The following TMEM132B variants were observed in gnomAD, a reference collection of about 807,000 sequenced individuals.
TMEM132B encodes transmembrane protein 132B.
In TMEM132B, 18 loss-of-function variants were observed where a neutral mutation model predicts 90.8. That is an observed-to-expected ratio of 0.20 (90% CI 0.14 to 0.29). The LOEUF (loss-of-function observed/expected upper bound fraction) is 0.29. TMEM132B is among the 10% of genes least tolerant of loss of function. The probability of loss-of-function intolerance (pLI) is 1.00; values close to 1 mark genes in which losing one functional copy is unlikely to be tolerated. For missense variants in TMEM132B, 1,096 were observed against 1,326.8 expected, an observed-to-expected ratio of 0.83 and a Z score of 2.70; for synonymous variants, 504 against 523.3, an observed-to-expected ratio of 0.96 and a Z score of 0.50.
intron 3 of TMEM132B, among the ~76,000 whole-genome samples, chr12:125,422,859 C>T (rs1234541196): frequency 1.3e-5 from 2 of 152,210 alleles, no homozygotes; most frequent in Non-Finnish European, 2.9e-5. Flanking sequence ...GACTTTGGAT[C>T]TCTGGCTGCC....
chr12:125,367,920 C>A (rs1878180904), intron 2 of TMEM132B, among the ~76,000 whole-genome samples: 1 of 151,580 alleles, frequency 6.6e-6, no homozygotes, highest in African/African-American at 2.4e-5. Flanking sequence ...TTTCTTTATT[C>A]CTTCTTTCTT....
chr12:125,608,855 T>A (rs1235857226), intron 5 of TMEM132B, among the ~76,000 whole-genome samples: 1 of 125,472 alleles, frequency 8.0e-6, no homozygotes, highest in African/African-American at 3.1e-5. Flanking sequence ...GTGGCACCTT[T>A]GAAAAAAAAA....
rs1237930528 is a variant in TMEM132B at position 125,287,904 on chromosome 12, G to T, written c.68-61548G>T. On this transcript the variant is annotated intron_variant, in intron 1 of 8. Transcript: ENST00000682704. ...TTTTTTTGAGACAGTGTCTCACTCT[G>T]TCGCCCAGGCTGGAGTGCAATGGCG... 3.3e-5 allele frequency among the ~76,000 whole-genome samples: 5 copies of T among 152,106 alleles called. No homozygotes were observed. The East Asian group carries it at 9.7e-4, about 30-fold the overall frequency.
rs564370048 is a variant in TMEM132B at position 125,189,239 on chromosome 12, G to T, written c.67+2373G>T. Among the ~76,000 whole-genome samples, 7 of 152,336 alleles carry T rather than the reference G, an allele frequency of 4.6e-5. No homozygotes were observed. In the East Asian group the frequency reaches 1.3e-3, roughly 29 times the overall value. ...CACAAATCCCCCAGCTTAGCGACTA[G>T]GGGGCCCCTATTATTCGAGCCACTT... On this transcript the variant is annotated intron_variant, in intron 1 of 8. Transcript: ENST00000682704.
At chr12:125,239,156 A>T (rs1401827853) in intron 1 of TMEM132B, among the ~76,000 whole-genome samples, 1 of 151,986 alleles carries the variant, frequency 6.6e-6, no homozygotes, top group Non-Finnish European at 1.5e-5. Context: ...GGGGAAAGAG[A>T]GAGAGAAAGA....
At chr12:125,328,065 T>C (rs1212606537) in intron 1 of TMEM132B, among the ~76,000 whole-genome samples, 3 of 152,242 alleles carry the variant, frequency 2.0e-5, no homozygotes, top group Non-Finnish European at 4.4e-5. Context: ...GCCATCGCAT[T>C]CATTTCCCTG....
intron 1 of TMEM132B, among the ~76,000 whole-genome samples, chr12:125,306,235 TA>T (rs1367057926): frequency 3.9e-5 from 6 of 152,146 alleles, no homozygotes; most frequent in Non-Finnish European, 1.5e-5. Context: ...ATGTGGGAAA[TA>T]AATCTAAATT....
intron 4 of TMEM132B, among the ~76,000 whole-genome samples, chr12:125,554,883 T>C (rs1884331891): frequency 6.6e-6 from 1 of 152,244 alleles, no homozygotes; most frequent in African/African-American, 2.4e-5. Flanking sequence ...CACTTTCCTC[T>C]TTGTTGGCGA....
chr12:125,565,999 G>T (rs1384655298), intron 4 of TMEM132B, among the ~76,000 whole-genome samples: 1 of 152,162 alleles, frequency 6.6e-6, no homozygotes, highest in Non-Finnish European at 1.5e-5. Flanking sequence ...CCATGTTGTT[G>T]GCTCTTCTAG....
chr12:125,495,004 T>C, intron 3 of TMEM132B, among the ~76,000 whole-genome samples: 1 of 91,594 alleles, frequency 1.1e-5, no homozygotes, highest in Non-Finnish European at 2.1e-5. Flanking sequence ...GTGTCCCTCC[T>C]CCCTCTCCTC....
Position 125,187,221 on chromosome 12 carries a change from C to T in TMEM132B, c.67+355C>T, listed in dbSNP as rs75182561. The stretch of plus-strand genomic sequence containing the variant: ...AATCCCCCCCAGGTCCCAGTTCCTC[C>T]AGGGGTTTTGCTGGGCGGGGGCGTC... On this transcript the variant is annotated intron_variant, in intron 1 of 8. Coordinates refer to ENST00000682704, the MANE Select transcript of TMEM132B (RefSeq NM_001366854.1). 4.1e-3 allele frequency among the ~76,000 whole-genome samples: 618 copies of T among 152,324 alleles called. 7 individuals carry two copies. Among genetic ancestry groups the T allele is most frequent in the African/African-American group, 0.014 (594 of 41,590 alleles).
chr12:125,644,667 C>T (rs1027586306), intron 6 of TMEM132B, among the ~76,000 whole-genome samples: 4 of 152,050 alleles, frequency 2.6e-5, no homozygotes, highest in African/African-American at 9.7e-5. Flanking sequence ...AAATGTCAGC[C>T]TTCCTCCATG....
chr12:125,506,791 A>G (rs7132007), intron 3 of TMEM132B, among the ~76,000 whole-genome samples: 73,457 of 152,148 alleles, frequency 0.48, 18,177 homozygotes, highest in Middle Eastern at 0.64. Context: ...AAGCTAAGGT[A>G]TAACTGTTTG....
chr12:125,387,199 A>G (rs2136295630), intron 2 of TMEM132B, among the ~76,000 whole-genome samples: 1 of 152,200 alleles, frequency 6.6e-6, no homozygotes, highest in African/African-American at 2.4e-5. Flanking sequence ...GATCCATTGC[A>G]TAGGAAGTCT....
chr12:125,257,701 G>A (rs1255330647), intron 1 of TMEM132B, among the ~76,000 whole-genome samples: 1 of 152,144 alleles, frequency 6.6e-6, no homozygotes, highest in Non-Finnish European at 1.5e-5. Context: ...ATTTTTCTGG[G>A]TGGGCCCTAA....
In TMEM132B at chr12:125,186,413, G is replaced by A. The variant is rs1299818643; in HGVS notation, c.-387G>A. 6.9e-6 allele frequency among the ~76,000 whole-genome samples: 1 copy of A among 145,412 alleles called. No homozygotes were observed. The highest frequency in any genetic ancestry group is 2.4e-5 in the African/African-American group (1 of 40,882). On this transcript the variant is annotated 5_prime_UTR_variant, in exon 1 of 9. Coordinates refer to ENST00000682704, the MANE Select transcript of TMEM132B (RefSeq NM_001366854.1). This position sits in a 1 kb window ranked among gnomAD's most constrained non-coding sequence, Gnocchi z 6.3. ...TCTCTCGCTGGCTCGAGGGGCGGCC[G>A]GCAGATGGCGATGGCAGAGGCGGCG...
At position 125,492,519 on chromosome 12, in the gene TMEM132B, C is replaced by T. The variant is rs938102073; in HGVS notation, c.1107-26920C>T. Among the ~76,000 whole-genome samples the T allele has an allele frequency of 6.6e-6, 1 of 152,208 alleles. No homozygotes were observed. Among genetic ancestry groups the T allele is most frequent in the Non-Finnish European group, 1.5e-5 (1 of 68,028 alleles). Reference sequence around the variant, plus strand: ...CAGGGCCTTTCCCTACCGGCCTCCCCTGGTGTTCCCAGCCAGCTTCCTGCA... The same window carrying T: ...CAGGGCCTTTCCCTACCGGCCTCCCTTGGTGTTCCCAGCCAGCTTCCTGCA... On this transcript the variant is annotated intron_variant, in intron 3 of 8. Transcript: ENST00000682704. The surrounding 1 kb of genome is among the most constrained non-coding windows in gnomAD (Gnocchi z 5.8).
intron 1 of TMEM132B, among the ~76,000 whole-genome samples, chr12:125,280,710 G>A (rs953695370): frequency 6.6e-6 from 1 of 152,248 alleles, no homozygotes; most frequent in African/African-American, 2.4e-5. Context: ...GCACTGGGAA[G>A]CCAGGAAGTG....
At chr12:125,507,577 C>T (rs1386638513) in intron 3 of TMEM132B, among the ~76,000 whole-genome samples, 1 of 151,816 alleles carries the variant, frequency 6.6e-6, no homozygotes, top group African/African-American at 2.4e-5. Flanking sequence ...GAGGAGTGGC[C>T]CAGGTAGAGG....
Sources: gnomAD v4.1 joint callset for allele counts (sites outside exome capture counted in the v4.1 genomes callset) on GRCh38, gnomAD v4.1.1 for gene constraint, Gnocchi (gnomAD v3.1) non-coding constraint, MANE v1.5 for transcripts, NCBI Gene and HGNC (gene_info 2026-07-23, HGNC 2026-07-21) for gene names.